Variants in OVCH2 observed in about 807,000 individuals in gnomAD.
OVCH2 encodes ovochymase-2.
A neutral mutation model predicts 73.7 loss-of-function variants in OVCH2; 88 were observed. The ratio of observed to expected loss-of-function variants is 1.19; its 90% CI spans 1.01 to 1.43. OVCH2 has a LOEUF of 1.43. Ranked by LOEUF, OVCH2 falls within the 40% of genes most tolerant of loss-of-function variation. OVCH2 has a pLI of 0.00. For missense variants in OVCH2, 706 were observed against 674.5 expected (o/e 1.05, Z -0.52); for synonymous variants, 265 against 234.5 (o/e 1.13, Z -1.19).
At chr11:7,690,040 C>T in intron 14 of OVCH2, 27 bp from the exon 15 acceptor site, 1 of 1,412,984 alleles carries the variant, frequency 7.1e-7, no homozygotes, top group South Asian at 1.2e-5. Context: ...TACAATTACT[C>T]AGTTTCCACA....
At chr11:7,694,632 G>T (rs112488838) in intron 12 of OVCH2, among the ~76,000 whole-genome samples, 4 of 114,758 alleles carry the variant, frequency 3.5e-5, no homozygotes, top group African/African-American at 5.8e-5. Flanking sequence ...GTTTTGTTTT[G>T]TGTTTTGAGA....
rs188569529 is a variant in OVCH2 at position 7,695,499 on chromosome 11, C to T, written c.1282+71G>A. 1.6e-4 allele frequency: 230 copies of T among 1,442,068 alleles called. 2 individuals are homozygous for T. In the East Asian group the frequency reaches 4.2e-3, roughly 26 times the overall value. 89.3% of individuals were successfully genotyped at this position (1,442,068 alleles called of 1,614,324 possible). On this transcript the variant is annotated intron_variant, in intron 11 of 15. Coordinates refer to ENST00000533663, the MANE Select transcript of OVCH2 (RefSeq NM_198185.7). ...TTGGGAGAGGGATCCCTGCCACTCA[C>T]CTAATTCCTATGGGGCCTAAGCTTC...
chr11:7,690,735 C>T (rs1856204777), intron 14 of OVCH2, among the ~76,000 whole-genome samples: 1 of 152,076 alleles, frequency 6.6e-6, no homozygotes, highest in African/African-American at 2.4e-5. Context: ...CAGCCGTCAT[C>T]CTATAAACAA....
chr11:7,695,009 C>G, intron 12 of OVCH2, 49 bp downstream of exon 12: 1 of 1,528,068 alleles, frequency 6.5e-7, no homozygotes, highest in Non-Finnish European at 8.8e-7. Flanking sequence ...CTTATGTTAG[C>G]TATTCTGTGA....
chr11:7,695,371 G>A (rs1258923715), intron 11 of OVCH2, among the ~76,000 whole-genome samples, 183 bp from the exon 12 acceptor site: 2 of 152,182 alleles, frequency 1.3e-5, no homozygotes, highest in Non-Finnish European at 2.9e-5. Flanking sequence ...ACTTGGAGGG[G>A]CAATCACTAC....
intron 1 of OVCH2, chr11:7,706,099 A>G: frequency 2.1e-6 from 1 of 480,182 alleles, no homozygotes; most frequent in East Asian, 3.7e-5. Context: ...TTAATTGGAT[A>G]CATTAGTTGC....
chr11:7,700,099 T>C, intron 7 of OVCH2, 197 bp downstream of exon 7: 1 of 570,380 alleles, frequency 1.8e-6, no homozygotes, highest in Non-Finnish European at 3.1e-6. Context: ...TCATTGAATA[T>C]CTGCATGCTG....
the OVCH2 span, among the ~76,000 whole-genome samples, chr11:7,680,492 T>A: frequency 6.6e-6 from 1 of 151,722 alleles, no homozygotes; most frequent in Non-Finnish European, 1.5e-5. Flanking sequence ...ATCACAAGGG[T>A]CTTTATAAGA....
Position 7,691,313 on chromosome 11 carries a change from G to A in OVCH2, c.1595C>T (p.Thr532Ile). The change falls in exon 14 of 16, where the codon ACC becomes ATC. Residue 532 changes from threonine to isoleucine, a missense_variant. Thr to Ile is a moderately conservative substitution (Grantham distance 89). Coordinates refer to ENST00000533663, the MANE Select transcript of OVCH2 (RefSeq NM_198185.7). ...GACTGTAGCCTGAAAGCCCCTGCAG[G>A]TCCCGTTTTCATCTGATTGGAAGCT... ...LISFQSDENG[T>I]CRGFQATVSF... is the part of the protein sequence containing the mutation. 6.2e-7 allele frequency: 1 copy of A among 1,613,778 alleles called. No homozygotes were observed. Among genetic ancestry groups the A allele is most frequent in the Non-Finnish European group, 8.5e-7 (1 of 1,179,818 alleles).
intron 6 of OVCH2, 146 bp from the exon 7 acceptor site, chr11:7,700,631 T>A: frequency 1.1e-6 from 1 of 885,476 alleles, no homozygotes; most frequent in Non-Finnish European, 1.7e-6. Context: ...TGTATACAGA[T>A]CCCAGCACAA....
chr11:7,685,567 CCTT>C (rs1040291217), downstream of OVCH2, among the ~76,000 whole-genome samples: 42 of 150,612 alleles, frequency 2.8e-4, no homozygotes, highest in African/African-American at 9.9e-4. Context: ...CAGACCCAAT[CCTT>C]CTCTCTCCAG....
the OVCH2 span, among the ~76,000 whole-genome samples, chr11:7,682,297 T>G: frequency 1.3e-5 from 2 of 152,254 alleles, no homozygotes; most frequent in Non-Finnish European, 2.9e-5. Flanking sequence ...CCTAGTGTTC[T>G]TCCCCTACAC....
rs763007687 is a variant in OVCH2, at chr11:7,703,684, TA to T, written c.290+13del. On this transcript the variant is annotated intron_variant, in intron 3 of 15. Transcript: ENST00000533663. ...GGTGGTGTGGTCTTCACTCATGGGC[TA>T]GGCCTTTCTTACCTGTTTGCAATGC... is the stretch of plus-strand genomic sequence containing the variant. 15 of 1,586,856 alleles carry T rather than the reference TA, an allele frequency of 9.5e-6. No individual in the cohort carries two copies. The highest frequency in any genetic ancestry group is 1.2e-5 in the Non-Finnish European group (14 of 1,166,356).
intron 3 of OVCH2, 103 bp from the exon 4 acceptor site, chr11:7,702,432 A>T: frequency 1.1e-6 from 1 of 885,256 alleles, no homozygotes; most frequent in Non-Finnish European, 1.6e-6. Flanking sequence ...GATAAATAAT[A>T]TGGGGTGTGA....
At chr11:7,685,697 C>G (rs1246890345), downstream of OVCH2, among the ~76,000 whole-genome samples, 1 of 152,172 alleles carries the variant, frequency 6.6e-6, no homozygotes, top group Non-Finnish European at 1.5e-5. Flanking sequence ...ACACTATTCC[C>G]TAATTATTGC....
At chr11:7,679,878 G>A in the OVCH2 span, among the ~76,000 whole-genome samples, 1 of 152,138 alleles carries the variant, frequency 6.6e-6, no homozygotes, top group African/African-American at 2.4e-5. Flanking sequence ...ATACCTCAAA[G>A]GGCTGAGTTC....
At chr11:7,705,706 C>G (rs1401322797) in intron 1 of OVCH2, 1 of 152,122 alleles carries the variant, frequency 6.6e-6, no homozygotes, top group Non-Finnish European at 1.5e-5. Context: ...GGAACAAAAG[C>G]TTATTTTCTA....
intron 13 of OVCH2, 73 bp from the exon 14 acceptor site, chr11:7,691,473 A>G (rs1856220319): frequency 6.6e-7 from 1 of 1,517,888 alleles, no homozygotes; most frequent in African/African-American, 1.4e-5. Flanking sequence ...AGAGAAGAAA[A>G]AAAGAAAATC....
the OVCH2 span, among the ~76,000 whole-genome samples, chr11:7,678,785 G>A: frequency 6.6e-6 from 1 of 152,186 alleles, no homozygotes; most frequent in African/African-American, 2.4e-5. Flanking sequence ...GGGACTGCTA[G>A]AAGGGAGAGG....
Sources: gnomAD v4.1 joint callset for allele counts (sites outside exome capture counted in the v4.1 genomes callset) on GRCh38, gnomAD v4.1.1 for gene constraint, MANE v1.5 for transcripts, NCBI Gene and HGNC (gene_info 2026-07-23, HGNC 2026-07-21) for gene names.